Variants in SLC15A2 observed in about 807,000 individuals in gnomAD.
SLC15A2 encodes solute carrier family 15 member 2.
In SLC15A2, 77 loss-of-function variants were observed where a neutral mutation model predicts 95.5. The observed-to-expected ratio is 0.81, with a 90% CI of 0.67 to 0.97. The LOEUF is 0.97. Ranked by LOEUF, SLC15A2 falls within the 50% of genes least tolerant of loss-of-function variation. The pLI, the probability that SLC15A2 is intolerant of heterozygous loss-of-function variation, is 0.00. For missense variants in SLC15A2, 893 were observed against 874.4 expected, an observed-to-expected ratio of 1.02 and a Z score of -0.27; for synonymous variants, 306 against 306.9, an observed-to-expected ratio of 1.00 and a Z score of 0.03.
chr3:121,928,442 G>T lies in SLC15A2; in HGVS notation c.1228G>T (p.Gly410Cys), dbSNP rs1710164514. 6.2e-7 allele frequency: 1 copy of T among 1,613,998 alleles called. No individual in the cohort carries two copies. The highest frequency in any genetic ancestry group is 8.5e-7 in the Non-Finnish European group (1 of 1,179,904). Residue 410 changes from glycine (G) to cysteine (C), a missense_variant, in exon 15 of 22, where the codon GGT becomes TGT. Gly to Cys is a radical substitution (Grantham distance 159). Transcript: ENST00000489711. ...KINEMAPAQP[G>C]PQEVFLQVLN... Reference sequence around the variant, plus strand: ...TAAGGAAATGGCCCCAGCCCAGCCAGGTCCCCAGGAGGTTTTCCTACAAGT... The same window carrying T: ...TAAGGAAATGGCCCCAGCCCAGCCATGTCCCCAGGAGGTTTTCCTACAAGT...
intron 3 of SLC15A2, among the ~76,000 whole-genome samples, chr3:121,908,147 T>C (rs575089931): frequency 6.6e-6 from 1 of 152,336 alleles, no homozygotes; most frequent in South Asian, 2.1e-4. Context: ...ACTGCTGCGC[T>C]AGCAGTGAGC....
chr3:121,928,653 TTAGA>T (rs1710169833), intron 15 of SLC15A2, 98 bp downstream of exon 15: 1 of 1,334,514 alleles, frequency 7.5e-7, no homozygotes, highest in African/African-American at 1.5e-5. Context: ...TCCCATGTCT[TTAGA>T]TAATCTTTGA....
At chr3:121,925,574 T>C (rs1710098996) in intron 13 of SLC15A2, among the ~76,000 whole-genome samples, 2 of 150,570 alleles carry the variant, frequency 1.3e-5, no homozygotes, top group Admixed American at 1.3e-4. Flanking sequence ...TTCATTGTGA[T>C]GACCACTTTA....
chr3:121,942,759 A>G lies in SLC15A2; in HGVS notation c.*1752A>G, dbSNP rs1021059689. On this transcript the variant is annotated 3_prime_UTR_variant, in exon 22 of 22. Coordinates refer to ENST00000489711, the MANE Select transcript of SLC15A2 (RefSeq NM_021082.4). ...GTCTATGGACAAATAAGTTTGGGAA[A>G]TGTGGCATACTGTATCCTTTTCTTA... is the stretch of plus-strand genomic sequence containing the variant. The G allele has an allele frequency of 3.9e-5, 6 of 152,244 alleles. No individual in the cohort carries two copies. The highest frequency in any genetic ancestry group is 1.4e-4 in the African/African-American group (6 of 41,462). 9.4% of individuals were successfully genotyped at this position (152,244 alleles called of 1,614,324 possible). A position where few individuals can be genotyped will look rare whatever the true frequency, so the allele number is the denominator to read the frequency against.
At chr3:121,928,349 C>G in intron 14 of SLC15A2, 72 bp from the exon 15 acceptor site, 20 of 1,542,530 alleles carry the variant, frequency 1.3e-5, no homozygotes, top group Non-Finnish European at 1.8e-5. Flanking sequence ...TCAGAAACAA[C>G]TGAGATATGT....
chr3:121,911,809 A>T, intron 4 of SLC15A2, 143 bp downstream of exon 4: 1 of 639,394 alleles, frequency 1.6e-6, no homozygotes. Context: ...TCTTATGACC[A>T]GTTGAACTCT....
rs554411236 is a variant in SLC15A2 at position 121,921,898 on chromosome 3, G to T, written c.698-322G>T. Among the ~76,000 whole-genome samples, 6 of 152,320 alleles carry T rather than the reference G, an allele frequency of 3.9e-5. No individual in the cohort carries two copies. The East Asian group carries it at 1.2e-3, about 29-fold the overall frequency. On this transcript the variant is annotated intron_variant, in intron 7 of 21. Transcript: ENST00000489711. ...GGAGAAAGAAGAGTAAGAAGTCAAAGATGACTTCCACTTCTGTGATTACAT... is the reference window on the plus strand; with the variant it reads ...GGAGAAAGAAGAGTAAGAAGTCAAATATGACTTCCACTTCTGTGATTACAT...
intron 7 of SLC15A2, among the ~76,000 whole-genome samples, chr3:121,918,068 A>T (rs966333488): frequency 6.6e-6 from 1 of 152,236 alleles, no homozygotes; most frequent in Non-Finnish European, 1.5e-5. Context: ...TTAATTTTTC[A>T]ATGATGTTTC....
intron 3 of SLC15A2, among the ~76,000 whole-genome samples, chr3:121,908,913 C>T (rs958315733): frequency 6.6e-6 from 1 of 152,076 alleles, no homozygotes; most frequent in Non-Finnish European, 1.5e-5. Context: ...CGGCTCATGC[C>T]TGTAATCCCA....
At chr3:121,915,173 T>G (rs1382158589) in intron 5 of SLC15A2, 54 bp from the exon 6 acceptor site, 1 of 1,380,536 alleles carries the variant, frequency 7.2e-7, no homozygotes, top group Admixed American at 1.7e-5. Context: ...GAACGTGGAG[T>G]GGGGCTGGAG....
intron 4 of SLC15A2, among the ~76,000 whole-genome samples, chr3:121,912,378 C>T (rs190764628): frequency 3.9e-5 from 6 of 152,132 alleles, no homozygotes; most frequent in South Asian, 2.1e-4. Flanking sequence ...GGATTACAGG[C>T]GGCTGCCACC....
intron 19 of SLC15A2, among the ~76,000 whole-genome samples, chr3:121,934,839 G>A (rs899568988): frequency 3.3e-5 from 5 of 151,976 alleles, no homozygotes; most frequent in East Asian, 1.9e-4. Context: ...CCTGTCTTGT[G>A]CCAGTTTTCA....
Position 121,929,203 on chromosome 3 carries a change from T to A in SLC15A2, c.1506+57T>A, listed in dbSNP as rs1456609245. The stretch of plus-strand genomic sequence containing the variant: ...GTCATCTCAAAGTAATATGACTGTC[T>A]CATCAACATCTTACCAAGGATCTGC... On this transcript the variant is annotated intron_variant, in intron 16 of 21. Transcript: ENST00000489711. The A allele has an allele frequency of 8.1e-6, 13 of 1,601,520 alleles. 1 individual carries two copies. The Admixed American group carries it at 2.2e-4, about 27-fold the overall frequency.
chr3:121,898,635 G>T (rs1709465804), intron 3 of SLC15A2, among the ~76,000 whole-genome samples: 2 of 152,172 alleles, frequency 1.3e-5, no homozygotes, highest in Admixed American at 1.3e-4. Flanking sequence ...TTTGGAAACT[G>T]TTAGGCTGAG....
chr3:121,931,141 G>A (rs138966961), intron 18 of SLC15A2, among the ~76,000 whole-genome samples, 191 bp downstream of exon 18: 5 of 152,204 alleles, frequency 3.3e-5, no homozygotes, highest in Admixed American at 6.5e-5. Context: ...TTGAGATCAC[G>A]ATTGCCGTGA....
At chr3:121,914,503 C>T (rs148191308) in intron 5 of SLC15A2, among the ~76,000 whole-genome samples, 2 of 152,182 alleles carry the variant, frequency 1.3e-5, no homozygotes, top group Non-Finnish European at 2.9e-5. Flanking sequence ...ACTAGGTGAA[C>T]TATCCTCCTT....
chr3:121,927,735 A>G, intron 13 of SLC15A2, 23 bp from the exon 14 acceptor site: 1 of 1,579,098 alleles, frequency 6.3e-7, no homozygotes, highest in Non-Finnish European at 8.7e-7. Context: ...TTTAGATATA[A>G]TTGTTTCTCC....
intron 13 of SLC15A2, among the ~76,000 whole-genome samples, chr3:121,926,667 C>A (rs1710127926): frequency 6.6e-6 from 1 of 152,230 alleles, no homozygotes; most frequent in Non-Finnish European, 1.5e-5. Flanking sequence ...GGAGCTCCCA[C>A]ACAGAGTCCC....
At chr3:121,927,681 A>G (rs1434978662) in intron 13 of SLC15A2, 77 bp from the exon 14 acceptor site, 13 of 1,062,654 alleles carry the variant, frequency 1.2e-5, no homozygotes, top group Non-Finnish European at 1.9e-5. Context: ...GCAGTCTTTA[A>G]TAATAGGCTA....
Sources: allele counts gnomAD v4.1 joint callset (sites outside exome capture counted in the v4.1 genomes callset), GRCh38; gene constraint gnomAD v4.1.1; transcripts MANE v1.5; gene names NCBI Gene and HGNC (gene_info 2026-07-23, HGNC 2026-07-21).